Variants in GDA observed in about 807,000 individuals in gnomAD.
GDA encodes the protein cytoplasmic PSD-95 interactor.
In GDA, 18 loss-of-function variants were observed where a neutral mutation model predicts 59.6. The observed-to-expected ratio is 0.30, with a 90% confidence interval of 0.21 to 0.45. The LOEUF (loss-of-function observed/expected upper bound fraction) is 0.45, where lower values mean the gene tolerates loss of function less well. Ranked by LOEUF, GDA falls within the 20% of genes least tolerant of loss-of-function variation. The pLI is 1.00. For missense variants in GDA, 427 were observed against 552.3 expected (o/e 0.77, Z 2.27); for synonymous variants, 201 against 201.1 (o/e 1.00, Z 0.00).
chr9:72,141,674 C>T (rs372157079), intron 1 of GDA, among the ~76,000 whole-genome samples: 46 of 152,244 alleles, frequency 3.0e-4, no homozygotes, highest in African/African-American at 1.1e-3. Flanking sequence ...CTCAGCACCT[C>T]GGCTAGCATG....
At chr9:72,146,063 A>T (rs778448153), upstream of GDA, among the ~76,000 whole-genome samples, 33 of 145,214 alleles carry the variant, frequency 2.3e-4, no homozygotes, top group Non-Finnish European at 3.5e-4. Flanking sequence ...ATTACAGCAC[A>T]CCCACAAACT....
intron 9 of GDA, among the ~76,000 whole-genome samples, chr9:72,229,745 A>T (rs953703495): frequency 2.6e-5 from 4 of 152,198 alleles, no homozygotes; most frequent in Non-Finnish European, 5.9e-5. Context: ...AAATCTAGGG[A>T]CTTTGCAAAT....
intron 1 of GDA, among the ~76,000 whole-genome samples, chr9:72,119,195 A>T (rs1475707221): frequency 6.6e-6 from 1 of 152,170 alleles, no homozygotes; most frequent in East Asian, 1.9e-4. Context: ...GGAATAAAGG[A>T]TTAGCTTTCT....
chr9:72,231,496 C>T (rs928106040), intron 10 of GDA, among the ~76,000 whole-genome samples: 9 of 150,668 alleles, frequency 6.0e-5, no homozygotes, highest in Non-Finnish European at 8.8e-5. Context: ...ACCCGGGAGG[C>T]GGAGCTTGTA....
At chr9:72,225,019 C>A (rs757865964) in intron 7 of GDA, among the ~76,000 whole-genome samples, 1 of 152,134 alleles carries the variant, frequency 6.6e-6, no homozygotes, top group Admixed American at 6.5e-5. Flanking sequence ...CGGTGGCTCA[C>A]GCCTGTAATC....
At chr9:72,228,284 A>G (rs575049361) in intron 9 of GDA, 1 of 447,182 alleles carries the variant, frequency 2.2e-6, no homozygotes, top group African/African-American at 2.0e-5. Context: ...TGTACAAAAA[A>G]AGGACAATAG....
intron 1 of GDA, among the ~76,000 whole-genome samples, chr9:72,157,748 C>G (rs147253650): frequency 3.3e-5 from 5 of 152,322 alleles, no homozygotes; most frequent in Non-Finnish European, 7.4e-5. Context: ...ACTATTGCCT[C>G]TAAGTTTCAA....
chr9:72,182,363 G>T (rs908529130), intron 1 of GDA, among the ~76,000 whole-genome samples: 1 of 152,076 alleles, frequency 6.6e-6, no homozygotes, highest in Admixed American at 6.5e-5. Context: ...TCATGCTCTG[G>T]ATAATTTTCA....
intron 1 of GDA, among the ~76,000 whole-genome samples, chr9:72,151,760 C>T (rs892109530): frequency 2.6e-5 from 4 of 151,824 alleles, no homozygotes; most frequent in East Asian, 1.9e-4. Context: ...GGCGCCACCA[C>T]GCCCCACTGA....
At chr9:72,187,029 C>G (rs1831941310) in intron 1 of GDA, among the ~76,000 whole-genome samples, 1 of 152,182 alleles carries the variant, frequency 6.6e-6, no homozygotes, top group South Asian at 2.1e-4. Context: ...ATTTTTCATA[C>G]TTTGCATTTT....
intron 2 of GDA, among the ~76,000 whole-genome samples, chr9:72,198,862 A>ATATATATATATATATATATATATATATAC (rs1564025002): frequency 1.1e-5 from 1 of 91,724 alleles, no homozygotes; most frequent in Non-Finnish European, 2.4e-5. Context: ...TATATATATA[A>ATATATATATATATATATATATATATATAC]AATTTTTTTT....
intron 12 of GDA, 28 bp from the exon 13 acceptor site, chr9:72,247,378 T>C (rs11143199): frequency 0.026 from 35,444 of 1,367,446 alleles, 679 homozygotes; most frequent in African/African-American, 0.07. Flanking sequence ...AAATGAGTCT[T>C]TCTTATTACT....
rs546020962 is a variant in GDA, at chr9:72,184,962, G to A, written c.124-10538G>A. 2.6e-5 allele frequency among the ~76,000 whole-genome samples: 4 copies of A among 152,222 alleles called. No homozygotes were observed. The South Asian group carries it at 8.3e-4, about 32-fold the overall frequency. On this transcript the variant is annotated intron_variant, in intron 1 of 13. Coordinates refer to ENST00000358399, the MANE Select transcript of GDA (RefSeq NM_004293.5). The stretch of plus-strand genomic sequence containing the variant: ...CTGAGTTATATGGCCTGTGAGCTAA[G>A]TATGGTTTTAAAATGATTGAAAAAA...
chr9:72,163,168 G>C (rs1401630373), intron 1 of GDA, among the ~76,000 whole-genome samples: 1 of 152,124 alleles, frequency 6.6e-6, no homozygotes, highest in Non-Finnish European at 1.5e-5. Flanking sequence ...TGACAAAAAT[G>C]GGTACAGAGG....
At chr9:72,217,160 T>C (rs977839469) in intron 5 of GDA, among the ~76,000 whole-genome samples, 1 of 152,234 alleles carries the variant, frequency 6.6e-6, no homozygotes, top group Non-Finnish European at 1.5e-5. Context: ...TTTTTAAAAA[T>C]AGCAGTATGT....
intron 1 of GDA, among the ~76,000 whole-genome samples, chr9:72,139,430 T>A (rs1199583510): frequency 6.6e-6 from 1 of 152,220 alleles, no homozygotes; most frequent in African/African-American, 2.4e-5. Flanking sequence ...GTTAAATGCC[T>A]TTCTTCTAAG....
intron 1 of GDA, among the ~76,000 whole-genome samples, chr9:72,151,119 G>A (rs1827149444): frequency 6.6e-6 from 1 of 152,164 alleles, no homozygotes; most frequent in African/African-American, 2.4e-5. Context: ...ATAAGAAAAG[G>A]AAGTAATAAA....
chr9:72,210,910 A>T, intron 4 of GDA, 136 bp downstream of exon 4: 1 of 632,070 alleles, frequency 1.6e-6, no homozygotes, highest in Non-Finnish European at 2.8e-6. Context: ...TTTGCAAGTA[A>T]TTACGTGTCT....
chr9:72,203,751 C>G (rs1285006205), intron 3 of GDA, among the ~76,000 whole-genome samples: 1 of 152,138 alleles, frequency 6.6e-6, no homozygotes, highest in Non-Finnish European at 1.5e-5. Context: ...ACTGACCTAA[C>G]CATCTTGCCA....
Sources: allele counts gnomAD v4.1 joint callset (sites outside exome capture counted in the v4.1 genomes callset), GRCh38; gene constraint gnomAD v4.1.1; transcripts MANE v1.5; gene names NCBI Gene and HGNC (gene_info 2026-07-23, HGNC 2026-07-21).